HNMT: variants seen among roughly 807,000 people sequenced by gnomAD.
HNMT encodes histamine N-methyltransferase.
HNMT carries 30 observed loss-of-function variants against 32.1 expected under a neutral mutation model. The ratio of observed to expected loss-of-function variants is 0.93; its 90% CI spans 0.70 to 1.27. The LOEUF (loss-of-function observed/expected upper bound fraction) is 1.27. Among genes scored for constraint, HNMT ranks in the 50% most tolerant of loss-of-function variants. The pLI is 0.00. For synonymous variants in HNMT, 125 were observed against 119.0 expected (o/e 1.05, Z -0.33); for missense variants, 327 against 346.0 (o/e 0.95, Z 0.43).
chr2:137,984,891 A>G (rs546699815), intron 2 of HNMT, among the ~76,000 whole-genome samples: 1 of 152,302 alleles, frequency 6.6e-6, no homozygotes, highest in Middle Eastern at 3.4e-3. Flanking sequence ...TAAATACCCT[A>G]TGAAAAGCAT....
chr2:137,976,155 A>C (rs1045088227), intron 2 of HNMT, among the ~76,000 whole-genome samples: 2 of 151,758 alleles, frequency 1.3e-5, no homozygotes, highest in Non-Finnish European at 2.9e-5. Context: ...AATCCCAGCT[A>C]CTCGGGAGGC....
At chr2:138,013,660 T>C in intron 5 of HNMT, 115 bp from the exon 6 acceptor site, 3 of 721,100 alleles carry the variant, frequency 4.2e-6, no homozygotes, top group Non-Finnish European at 6.8e-6. Flanking sequence ...AAATATGAGC[T>C]GCACAAAGGA....
intron 4 of HNMT, 165 bp downstream of exon 4, chr2:138,002,359 A>G (rs1191362520): frequency 1.9e-6 from 2 of 1,043,630 alleles, no homozygotes; most frequent in Admixed American, 8.8e-5. Flanking sequence ...GATGTTTATT[A>G]TACTAAGATT....
chr2:137,970,301 AC>A, intron 2 of HNMT, 84 bp downstream of exon 2: 1 of 791,402 alleles, frequency 1.3e-6, no homozygotes, highest in Non-Finnish European at 2.0e-6. Flanking sequence ...TTTTAGGAAG[AC>A]TTTTTTTTTT....
At chr2:137,981,185 G>T in intron 2 of HNMT, 16 of 1,605,600 alleles carry the variant, frequency 1.0e-5, no homozygotes, top group Non-Finnish European at 8.5e-6. Flanking sequence ...TATGGCCACA[G>T]TCTTTAATCC....
chr2:138,014,048 T>C lies in HNMT; in HGVS notation c.797T>C (p.Leu266Pro). ...PDLRAELGKD[L>P]QEPEFSAKKE... ...CTCAGAGCAGAGCTTGGGAAAGATCTACAAGAGCCTGAATTTAGTGCTAAG... is the reference window on the plus strand; with the variant it reads ...CTCAGAGCAGAGCTTGGGAAAGATCCACAAGAGCCTGAATTTAGTGCTAAG... The change falls in exon 6 of 6, where the codon CTA becomes CCA. Residue 266 changes from leucine to proline, a missense_variant. Leu to Pro is a moderately conservative substitution (Grantham distance 98). Coordinates refer to ENST00000280097, the MANE Select transcript of HNMT (RefSeq NM_006895.3). 3.1e-6 allele frequency: 5 copies of C among 1,613,626 alleles called. No individual in the cohort carries two copies. The South Asian group carries it at 5.5e-5, about 18-fold the overall frequency.
At chr2:137,995,265 C>A (rs1337692683) in intron 2 of HNMT, among the ~76,000 whole-genome samples, 1 of 151,220 alleles carries the variant, frequency 6.6e-6, no homozygotes, top group East Asian at 1.9e-4. Flanking sequence ...AAATAGATTG[C>A]TAGCTAGACT....
intron 2 of HNMT, among the ~76,000 whole-genome samples, chr2:137,987,992 T>C (rs1245531098): frequency 6.6e-6 from 1 of 151,898 alleles, no homozygotes; most frequent in Non-Finnish European, 1.5e-5. Flanking sequence ...CCAGCTGAAG[T>C]GAAGAAGTGA....
chr2:138,005,382 G>T (rs1681301819), intron 5 of HNMT, among the ~76,000 whole-genome samples, 157 bp downstream of exon 5: 1 of 152,024 alleles, frequency 6.6e-6, no homozygotes, highest in African/African-American at 2.4e-5. Context: ...TATTAGGGAA[G>T]TCATTCACAA....
chr2:137,981,075 C>G (rs1231069259), intron 2 of HNMT: 1 of 1,078,262 alleles, frequency 9.3e-7, no homozygotes, highest in Non-Finnish European at 1.3e-6. Context: ...TGATAATAAT[C>G]TTAATGCAAC....
At chr2:137,994,307 G>A (rs1460615572) in intron 2 of HNMT, among the ~76,000 whole-genome samples, 1 of 152,174 alleles carries the variant, frequency 6.6e-6, no homozygotes, top group Non-Finnish European at 1.5e-5. Context: ...GACATGCATA[G>A]GCTCAAAATA....
chr2:137,993,761 G>C (rs1255979080), intron 2 of HNMT, among the ~76,000 whole-genome samples: 1 of 151,896 alleles, frequency 6.6e-6, no homozygotes, highest in East Asian at 1.9e-4. Context: ...AATTGTTAAG[G>C]GCAGCCAAAG....
At chr2:137,997,067 A>T (rs976012474) in intron 2 of HNMT, among the ~76,000 whole-genome samples, 1 of 152,172 alleles carries the variant, frequency 6.6e-6, no homozygotes, top group African/African-American at 2.4e-5. Context: ...AACCATAAAA[A>T]CCCTAGAAGA....
At chr2:137,979,726 T>G (rs1680427665) in intron 2 of HNMT, among the ~76,000 whole-genome samples, 1 of 152,014 alleles carries the variant, frequency 6.6e-6, no homozygotes, top group Non-Finnish European at 1.5e-5. Context: ...TACATAATAA[T>G]CTCACCTAGA....
At chr2:137,985,866 A>T (rs1239502266) in intron 2 of HNMT, among the ~76,000 whole-genome samples, 1 of 152,166 alleles carries the variant, frequency 6.6e-6, no homozygotes, top group African/African-American at 2.4e-5. Context: ...TAAGAGAACA[A>T]CTTGCATTAT....
At chr2:137,981,008 C>T (rs948500979) in intron 2 of HNMT, among the ~76,000 whole-genome samples, 25 of 152,072 alleles carry the variant, frequency 1.6e-4, no homozygotes, top group Admixed American at 6.6e-5. Flanking sequence ...TATGAGCAAT[C>T]GCTCTTCCTA....
At chr2:138,011,275 T>C (rs1681495352) in intron 5 of HNMT, among the ~76,000 whole-genome samples, 1 of 152,136 alleles carries the variant, frequency 6.6e-6, no homozygotes, top group Non-Finnish European at 1.5e-5. Flanking sequence ...TCTTGTAATG[T>C]CTTGTTTGCC....
intron 2 of HNMT, among the ~76,000 whole-genome samples, chr2:137,980,669 CAGT>C (rs1680465785): frequency 6.6e-6 from 1 of 152,296 alleles, no homozygotes; most frequent in East Asian, 1.9e-4. Flanking sequence ...AACCCTCAGG[CAGT>C]AGATTTCCTG....
rs1681637223 is a variant in HNMT at position 138,015,504 on chromosome 2, A to G, written c.*1374A>G. 2 of 152,190 alleles carry G rather than the reference A, an allele frequency of 1.3e-5. No homozygotes were observed. The highest frequency in any genetic ancestry group is 1.3e-4 in the Admixed American group (2 of 15,274). 9.4% of individuals were successfully genotyped at this position (152,190 alleles called of 1,614,324 possible). A position where few individuals can be genotyped will look rare whatever the true frequency, so the allele number is the denominator to read the frequency against. ...ACACTGGCATAGAGAGCCTATTTAC[A>G]CTAATAAACTACCAAGCTTTGTTGT... On this transcript the variant is annotated 3_prime_UTR_variant, in exon 6 of 6. Transcript: ENST00000280097.
Sources: gnomAD v4.1 joint callset for allele counts (sites outside exome capture counted in the v4.1 genomes callset) on GRCh38, gnomAD v4.1.1 for gene constraint, MANE v1.5 for transcripts, NCBI Gene and HGNC (gene_info 2026-07-23, HGNC 2026-07-21) for gene names.